The following STXBP5L variants were observed in gnomAD, a reference collection of about 807,000 sequenced individuals.
STXBP5L encodes the protein syntaxin binding protein 5L, also known as syntaxin-binding protein 5-like.
In STXBP5L, 65 loss-of-function variants were observed where a neutral mutation model predicts 144.5. The observed-to-expected ratio is 0.45, with a 90% CI of 0.37 to 0.55. STXBP5L has a LOEUF of 0.55. Ranked by LOEUF, STXBP5L falls within the 20% of genes least tolerant of loss-of-function variation. The pLI is 0.00. For missense variants in STXBP5L, 1,298 were observed against 1,405.5 expected (o/e 0.92, Z 1.22); for synonymous variants, 505 against 469.6 (o/e 1.08, Z -0.97).
At chr3:121,061,267 T>C (rs928271693) in intron 5 of STXBP5L, among the ~76,000 whole-genome samples, 1 of 152,212 alleles carries the variant, frequency 6.6e-6, no homozygotes, top group Non-Finnish European at 1.5e-5. Flanking sequence ...TCAGTTTCCA[T>C]GCAGTTGTGT....
chr3:121,057,507 G>T (rs1054336471), intron 5 of STXBP5L, among the ~76,000 whole-genome samples: 4 of 151,606 alleles, frequency 2.6e-5, no homozygotes, highest in African/African-American at 9.7e-5. Context: ...CTTACCCCCA[G>T]GTATCCTAAT....
intron 3 of STXBP5L, among the ~76,000 whole-genome samples, chr3:120,998,278 G>C (rs1405207661): frequency 6.6e-6 from 1 of 152,164 alleles, no homozygotes; most frequent in South Asian, 2.1e-4. Context: ...AATAGGAAGA[G>C]AGGAAGTTAA....
chr3:121,326,171 A>G (rs2044139270), intron 20 of STXBP5L, among the ~76,000 whole-genome samples: 1 of 152,012 alleles, frequency 6.6e-6, no homozygotes, highest in African/African-American at 2.4e-5. Flanking sequence ...ATATTTTAAG[A>G]TGAAGGTAGT....
At chr3:121,256,213 G>A (rs1322539029) in intron 16 of STXBP5L, among the ~76,000 whole-genome samples, 1 of 151,976 alleles carries the variant, frequency 6.6e-6, no homozygotes, top group Non-Finnish European at 1.5e-5. Context: ...CATTATAATA[G>A]TGTCCTTACT....
chr3:120,947,766 G>C (rs1022320627), intron 2 of STXBP5L, among the ~76,000 whole-genome samples: 1 of 151,800 alleles, frequency 6.6e-6, no homozygotes, highest in African/African-American at 2.4e-5. Context: ...GTTCATCTAT[G>C]TTGTAGCACA....
chr3:121,151,957 ATAT>A (rs985031532), intron 7 of STXBP5L, among the ~76,000 whole-genome samples: 1 of 93,514 alleles, frequency 1.1e-5, no homozygotes, highest in Non-Finnish European at 2.7e-5. Flanking sequence ...TTAAAAATAA[ATAT>A]TAATCTTTTT....
intron 3 of STXBP5L, among the ~76,000 whole-genome samples, chr3:120,990,012 C>A (rs149953995): frequency 0.04 from 6,047 of 152,176 alleles, 165 homozygotes; most frequent in Middle Eastern, 0.082. Flanking sequence ...ACGAGGAAGT[C>A]AAATTGTCCC....
intron 4 of STXBP5L, among the ~76,000 whole-genome samples, chr3:121,045,192 G>A (rs1947429783): frequency 6.6e-6 from 1 of 151,940 alleles, no homozygotes; most frequent in South Asian, 2.1e-4. Context: ...CTCTCTATTG[G>A]TAAATAAATA....
intron 5 of STXBP5L, among the ~76,000 whole-genome samples, chr3:121,050,515 T>G (rs2107586683): frequency 6.6e-6 from 1 of 152,166 alleles, no homozygotes; most frequent in Non-Finnish European, 1.5e-5. Context: ...AATAAAATAC[T>G]TTACAGACAA....
chr3:121,389,559 T>C (rs1374025690), intron 22 of STXBP5L, among the ~76,000 whole-genome samples: 1 of 152,180 alleles, frequency 6.6e-6, no homozygotes, highest in Non-Finnish European at 1.5e-5. Flanking sequence ...GCTTTAAACA[T>C]GTCCCAGAGA....
chr3:121,035,568 G>C (rs1285293391), intron 3 of STXBP5L, among the ~76,000 whole-genome samples: 3 of 152,078 alleles, frequency 2.0e-5, no homozygotes, highest in African/African-American at 7.2e-5. Context: ...ATTGAGATAT[G>C]TGTCTATTTT....
intron 7 of STXBP5L, among the ~76,000 whole-genome samples, chr3:121,139,965 A>G (rs2045427924): frequency 6.6e-6 from 1 of 152,058 alleles, no homozygotes; most frequent in Admixed American, 6.6e-5. Flanking sequence ...AAAAAACCAA[A>G]CAACCCAGTT....
At chr3:120,935,564 C>T (rs932066623) in intron 2 of STXBP5L, among the ~76,000 whole-genome samples, 1 of 152,048 alleles carries the variant, frequency 6.6e-6, no homozygotes, top group African/African-American at 2.4e-5. Flanking sequence ...CTACTGGTGA[C>T]AAATTCCCTC....
At chr3:121,017,299 T>C (rs1186839717) in intron 3 of STXBP5L, among the ~76,000 whole-genome samples, 2 of 152,174 alleles carry the variant, frequency 1.3e-5, no homozygotes, top group Admixed American at 6.5e-5. Flanking sequence ...TTCAACTTGA[T>C]AAAGAACATC....
chr3:120,965,774 G>A (rs1298019472), intron 3 of STXBP5L, among the ~76,000 whole-genome samples: 1 of 152,122 alleles, frequency 6.6e-6, no homozygotes, highest in Non-Finnish European at 1.5e-5. Flanking sequence ...TCTTCTCAAA[G>A]AGTATCTTTA....
rs375594955 is a variant in STXBP5L, at chr3:121,325,105, C to T, written c.2176+6565C>T. 3.3e-5 allele frequency among the ~76,000 whole-genome samples: 5 copies of T among 151,740 alleles called. No individual in the cohort carries two copies. In the East Asian group the frequency reaches 7.7e-4, roughly 23 times the overall value. On this transcript the variant is annotated intron_variant, in intron 20 of 26. Coordinates refer to ENST00000471454, the MANE Select transcript of STXBP5L (RefSeq NM_001308330.2). The stretch of plus-strand genomic sequence containing the variant: ...AATTTTATGCAGTCTTTGACATTTG[C>T]TTTTTTTTACCCCATGCTAGCTCAT...
At chr3:121,061,278 G>C (rs1380056877) in intron 5 of STXBP5L, among the ~76,000 whole-genome samples, 1 of 152,122 alleles carries the variant, frequency 6.6e-6, no homozygotes, top group East Asian at 1.9e-4. Flanking sequence ...GCAGTTGTGT[G>C]GTTTTGAGTG....
intron 5 of STXBP5L, among the ~76,000 whole-genome samples, chr3:121,053,379 G>A (rs914992628): frequency 3.9e-5 from 6 of 152,076 alleles, no homozygotes; most frequent in African/African-American, 1.4e-4. Context: ...GCATGGTACT[G>A]GTACCAAAAC....
rs957346667 is a variant in STXBP5L, at chr3:120,951,123, C to T, written c.190-3817C>T. Among the ~76,000 whole-genome samples the T allele has an allele frequency of 5.9e-5, 9 of 152,232 alleles. No homozygotes were observed. The East Asian group carries it at 1.7e-3, about 29-fold the overall frequency. ...ATATGTAGAAAGCTGAAACTGGATC[C>T]CTTCCTTACACCTTACACAAAAATC... On this transcript the variant is annotated intron_variant, in intron 2 of 26. Transcript: ENST00000471454.
Sources: allele counts gnomAD v4.1 joint callset (sites outside exome capture counted in the v4.1 genomes callset), GRCh38; gene constraint gnomAD v4.1.1; transcripts MANE v1.5; gene names NCBI Gene and HGNC (gene_info 2026-07-23, HGNC 2026-07-21).